Variants in ZNF445 observed in about 807,000 individuals in gnomAD.
The protein encoded by ZNF445 is zinc finger protein 168.
ZNF445 carries 19 observed loss-of-function variants against 93.9 expected under a neutral mutation model. The ratio of observed to expected loss-of-function variants is 0.20; its 90% CI spans 0.14 to 0.30. ZNF445 has a LOEUF of 0.30. Among genes scored for constraint, ZNF445 ranks in the 10% least tolerant of loss-of-function variants. The pLI is 1.00. For synonymous variants in ZNF445, 449 were observed against 446.3 expected, an observed-to-expected ratio of 1.01 and a Z score of -0.08; for missense variants, 1,058 against 1,259.4, an observed-to-expected ratio of 0.84 and a Z score of 2.42.
chr3:44,450,740 T>C, intron 5 of ZNF445, 128 bp downstream of exon 5: 2 of 1,277,420 alleles, frequency 1.6e-6, no homozygotes, highest in South Asian at 1.5e-5. Flanking sequence ...GGGGATAATC[T>C]GGTCTCTGGA....
Position 44,434,250 on chromosome 3 carries a change from CAAAAAAAAAA to C in ZNF445, c.*12315_*12324del, listed in dbSNP as rs34880145. ...TAACATGGTGAAACCCTGCCTTTAC[CAAAAAAAAAA>C]AAAAAAAAATTAGCCGGGCGTGGTG... On this transcript the variant is annotated 3_prime_UTR_variant, in exon 8 of 8. Transcript: ENST00000396077. 1 of 133,200 alleles carries C rather than the reference CAAAAAAAAAA, an allele frequency of 7.5e-6. No individual in the cohort carries two copies. 8.3% of individuals were successfully genotyped at this position (133,200 alleles called of 1,614,324 possible).
chr3:44,456,388 G>T (rs1559396052), intron 2 of ZNF445, among the ~76,000 whole-genome samples: 1 of 152,184 alleles, frequency 6.6e-6, no homozygotes, highest in Non-Finnish European at 1.5e-5. Flanking sequence ...CTGCACTCCA[G>T]CCTGGGCAAC....
At chr3:44,457,738 T>A (rs888865859) in intron 2 of ZNF445, among the ~76,000 whole-genome samples, 2 of 152,064 alleles carry the variant, frequency 1.3e-5, no homozygotes, top group Non-Finnish European at 2.9e-5. Context: ...TGTGGTGGCT[T>A]ACACCTGTAA....
At position 44,449,461 on chromosome 3, in the gene ZNF445, G is replaced by C. The variant is rs973412948; in HGVS notation, c.931+52C>G. 6 of 1,410,916 alleles carry C rather than the reference G, an allele frequency of 4.3e-6. No homozygotes were observed. The African/African-American group carries it at 8.5e-5, about 20-fold the overall frequency. The allele number at this position is 1,410,916 out of a possible 1,614,324, so 87.4% of individuals were successfully genotyped here. On this transcript the variant is annotated intron_variant, in intron 7 of 7. Coordinates refer to ENST00000396077, the MANE Select transcript of ZNF445 (RefSeq NM_181489.6). ...CAGTGATGTAACTGACCTTAAGAAA[G>C]AGAAAAGTAAAAGCAGGAGGAGCAG...
intron 1 of ZNF445, among the ~76,000 whole-genome samples, chr3:44,458,965 C>G (rs73829649): frequency 0.012 from 1,855 of 152,300 alleles, 34 homozygotes; most frequent in African/African-American, 0.043. Flanking sequence ...TTTGTCCAGT[C>G]ACGTTTTACA....
chr3:44,466,892 T>C (rs1276217719), intron 1 of ZNF445, among the ~76,000 whole-genome samples: 1 of 152,252 alleles, frequency 6.6e-6, no homozygotes, highest in Non-Finnish European at 1.5e-5. Context: ...ATTATAATTG[T>C]TATGTAAAAT....
At chr3:44,450,989 C>A in intron 4 of ZNF445, 27 bp from the exon 5 acceptor site, 1 of 1,531,778 alleles carries the variant, frequency 6.5e-7, no homozygotes, top group South Asian at 1.3e-5. Flanking sequence ...CATGAGAGAG[C>A]GGCTCAGCTC....
chr3:44,471,089 A>C (rs1698262554), intron 1 of ZNF445, among the ~76,000 whole-genome samples: 1 of 152,156 alleles, frequency 6.6e-6, no homozygotes, highest in Non-Finnish European at 1.5e-5. Context: ...GTTGAAGAAA[A>C]AGAGAAATAC....
chr3:44,470,690 G>T (rs1362006737), intron 1 of ZNF445, among the ~76,000 whole-genome samples: 1 of 152,158 alleles, frequency 6.6e-6, no homozygotes, highest in African/African-American at 2.4e-5. Flanking sequence ...TGGGATGAAA[G>T]GGCTCTCCTT....
chr3:44,475,468 G>C (rs1374013639), intron 1 of ZNF445, among the ~76,000 whole-genome samples: 1 of 152,048 alleles, frequency 6.6e-6, no homozygotes, highest in Non-Finnish European at 1.5e-5. Flanking sequence ...CCAAAGTGCT[G>C]GGATTACAGG....
In ZNF445 at chr3:44,434,981, C is replaced by G. The variant is rs1479422725; in HGVS notation, c.*11594G>C. The G allele has an allele frequency of 6.6e-6, 1 of 152,150 alleles. No individual in the cohort carries two copies. Among genetic ancestry groups the G allele is most frequent in the Non-Finnish European group, 1.5e-5 (1 of 68,040 alleles). 9.4% of individuals were successfully genotyped at this position (152,150 alleles called of 1,614,324 possible). The stretch of plus-strand genomic sequence containing the variant: ...TATTTTTCAGGAACTTGGGGCAGAT[C>G]CTGTCCAGTTCAAACCAGTTGAGAC... On this transcript the variant is annotated 3_prime_UTR_variant, in exon 8 of 8. Coordinates refer to ENST00000396077, the MANE Select transcript of ZNF445 (RefSeq NM_181489.6).
At chr3:44,462,467 A>G (rs1698130073) in intron 1 of ZNF445, among the ~76,000 whole-genome samples, 1 of 152,214 alleles carries the variant, frequency 6.6e-6, no homozygotes, top group African/African-American at 2.4e-5. Context: ...GAAACCGCTC[A>G]TTGCTCTAAC....
Position 44,448,168 on chromosome 3 carries a change from C to G in ZNF445, c.1503G>C (p.Ala501=), listed in dbSNP as rs188162953. 1.2e-6 allele frequency: 2 copies of G among 1,614,176 alleles called. No individual in the cohort carries two copies. The highest frequency in any genetic ancestry group is 1.7e-6 in the Non-Finnish European group (2 of 1,180,048). Residue 501 remains alanine (A), a synonymous_variant, in exon 8 of 8, where the codon GCG becomes GCC. Transcript: ENST00000396077. ...GRTFSHSSHL[A]YHQRLHTQEK... is the part of the protein sequence containing the mutation. ...CTTGAGTGTGAAGTCTCTGATGATA[C>G]GCAAGATGGGAGCTATGACTGAAAG...
chr3:44,474,462 C>T (rs932920031), intron 1 of ZNF445, among the ~76,000 whole-genome samples: 2 of 151,918 alleles, frequency 1.3e-5, no homozygotes, highest in Admixed American at 1.3e-4. Flanking sequence ...TGCGGTGAGC[C>T]GAGATCACGC....
intron 1 of ZNF445, among the ~76,000 whole-genome samples, chr3:44,469,039 CAAA>C (rs58140525): frequency 1.3e-4 from 9 of 67,180 alleles, no homozygotes; most frequent in Non-Finnish European, 1.6e-4. Flanking sequence ...GAGTCTGTCT[CAAA>C]AAAAAAAAAA....
At chr3:44,472,680 C>T (rs1376543329) in intron 1 of ZNF445, among the ~76,000 whole-genome samples, 1 of 152,080 alleles carries the variant, frequency 6.6e-6, no homozygotes, top group Non-Finnish European at 1.5e-5. Flanking sequence ...AATGAAAGAC[C>T]CAGAGCATAG....
At chr3:44,469,418 C>T (rs1275433272) in intron 1 of ZNF445, among the ~76,000 whole-genome samples, 1 of 152,164 alleles carries the variant, frequency 6.6e-6, no homozygotes, top group East Asian at 1.9e-4. Context: ...TCTGTGGGGT[C>T]TGAAATGAAG....
At chr3:44,471,229 CCCTAAAAGCTT>C (rs1272735155) in intron 1 of ZNF445, among the ~76,000 whole-genome samples, 1 of 152,146 alleles carries the variant, frequency 6.6e-6, no homozygotes, top group Non-Finnish European at 1.5e-5. Flanking sequence ...ATCTTCTTGT[CCCTAAAAGCTT>C]CTTTATCTAG....
At chr3:44,452,538 T>C (rs1424615548) in intron 3 of ZNF445, among the ~76,000 whole-genome samples, 1 of 152,214 alleles carries the variant, frequency 6.6e-6, no homozygotes, top group Non-Finnish European at 1.5e-5. Context: ...CAGCCCCCAC[T>C]GTCTTTTAAG....
Sources: allele counts gnomAD v4.1 joint callset (sites outside exome capture counted in the v4.1 genomes callset), GRCh38; gene constraint gnomAD v4.1.1; transcripts MANE v1.5; gene names NCBI Gene and HGNC (gene_info 2026-07-23, HGNC 2026-07-21).